Variants in HEXA observed in about 807,000 individuals in gnomAD.
The protein encoded by HEXA is hexosaminidase subunit alpha, also known as beta-hexosaminidase subunit alpha.
Under a neutral mutation model 73.3 loss-of-function variants are expected in HEXA, and 54 were observed. The ratio of observed to expected loss-of-function variants is 0.74; its 90% CI spans 0.59 to 0.92. The LOEUF (loss-of-function observed/expected upper bound fraction) is 0.92, where lower values mean the gene tolerates loss of function less well. Ranked by LOEUF, HEXA falls within the 40% of genes least tolerant of loss-of-function variation. The probability of loss-of-function intolerance (pLI) is 0.00; values close to 1 mark genes in which losing one functional copy is unlikely to be tolerated. For synonymous variants in HEXA, 230 were observed against 246.9 expected, an observed-to-expected ratio of 0.93 and a Z score of 0.64; for missense variants, 649 against 653.0, an observed-to-expected ratio of 0.99 and a Z score of 0.07.
At chr15:72,361,039 A>G (rs1459525837) in intron 1 of HEXA, among the ~76,000 whole-genome samples, 1 of 152,220 alleles carries the variant, frequency 6.6e-6, no homozygotes, top group East Asian at 1.9e-4. Context: ...TGGCTTCACC[A>G]AAGTCCTGTG....
intron 1 of HEXA, among the ~76,000 whole-genome samples, chr15:72,374,098 T>A (rs2089027134): frequency 2.2e-5 from 1 of 46,288 alleles, no homozygotes; most frequent in Non-Finnish European, 1.6e-4. Context: ...TATAATTCAC[T>A]GTGTACCTCC....
At chr15:72,348,947 T>C in intron 8 of HEXA, 132 bp downstream of exon 8, 3 of 787,744 alleles carry the variant, frequency 3.8e-6, no homozygotes, top group Admixed American at 3.7e-5. Flanking sequence ...GAGGAAGGCC[T>C]AAGACCTGAG....
chr15:72,357,257 T>C (rs1030612225), intron 1 of HEXA: 4 of 165,192 alleles, frequency 2.4e-5, no homozygotes, highest in Admixed American at 1.7e-4. Flanking sequence ...ATGGAGCAGA[T>C]GACAGAAGGA....
At chr15:72,373,085 T>A (rs1478275656) in intron 1 of HEXA, among the ~76,000 whole-genome samples, 2 of 152,136 alleles carry the variant, frequency 1.3e-5, no homozygotes, top group Non-Finnish European at 2.9e-5. Context: ...GAGCCAAGAT[T>A]GTGCCACTGA....
At chr15:72,357,783 T>C (rs528926247) in intron 1 of HEXA, 22 of 152,270 alleles carry the variant, frequency 1.4e-4, no homozygotes, top group African/African-American at 5.3e-4. Context: ...CTCAGACCTC[T>C]TGAGCACTAC....
At chr15:72,344,377 A>G (rs1239807312) in intron 13 of HEXA, among the ~76,000 whole-genome samples, 1 of 152,162 alleles carries the variant, frequency 6.6e-6, no homozygotes, top group African/African-American at 2.4e-5. Context: ...CAGGTCTTGG[A>G]GATCCAGAAA....
chr15:72,354,424 G>A (rs530969277), intron 3 of HEXA: 1 of 152,214 alleles, frequency 6.6e-6, no homozygotes, highest in Admixed American at 6.6e-5. Flanking sequence ...CAACAGCTGG[G>A]GCCCCTCTTC....
chr15:72,355,798 T>C, intron 2 of HEXA, 174 bp from the exon 3 acceptor site: 1 of 635,926 alleles, frequency 1.6e-6, no homozygotes, highest in South Asian at 1.6e-5. Flanking sequence ...TAGGATGGCC[T>C]GGTCTGGGGC....
chr15:72,375,571 A>C lies in HEXA; in HGVS notation c.253+149T>G, dbSNP rs1406278750. ...GTCCTATAGTAGTTATCTTTGGATGAAAACCTAATGCAGCTCGAGGAGGAA... is the reference window on the plus strand; with the variant it reads ...GTCCTATAGTAGTTATCTTTGGATGCAAACCTAATGCAGCTCGAGGAGGAA... On this transcript the variant is annotated intron_variant, in intron 1 of 13. Transcript: ENST00000268097. The C allele has an allele frequency of 4.9e-6, 4 of 818,510 alleles. No homozygotes were observed. The East Asian group carries it at 9.9e-5, about 20-fold the overall frequency. The allele number at this position is 818,510 out of a possible 1,614,324, so 50.7% of individuals were successfully genotyped here. A position where few individuals can be genotyped will look rare whatever the true frequency, so the allele number is the denominator to read the frequency against.
At chr15:72,373,707 A>G (rs1595814743) in intron 1 of HEXA, among the ~76,000 whole-genome samples, 1 of 152,168 alleles carries the variant, frequency 6.6e-6, no homozygotes, top group Admixed American at 6.6e-5. Flanking sequence ...ATTTAGAAGT[A>G]TAGGAATTAG....
chr15:72,347,781 G>A (rs759187212), intron 9 of HEXA, 23 bp from the exon 10 acceptor site: 1 of 1,608,434 alleles, frequency 6.2e-7, no homozygotes, highest in South Asian at 1.1e-5. Context: ...GGAGTGTCTA[G>A]TAAGTGTCTG....
chr15:72,356,778 G>T, intron 1 of HEXA, 161 bp from the exon 2 acceptor site: 1 of 1,051,010 alleles, frequency 9.5e-7, no homozygotes, highest in Non-Finnish European at 1.4e-6. Context: ...CATCTGTTCA[G>T]CTGTCTCACT....
In HEXA at chr15:72,349,310, C is replaced by T. The variant is rs1051875886; in HGVS notation, c.806-51G>A. ...AGTGTCACAAATACATAAACCCCCA[C>T]GCACAGTCCTACACGTAAGGACACG... On this transcript the variant is annotated intron_variant, in intron 7 of 13. Transcript: ENST00000268097. 1.4e-5 allele frequency: 20 copies of T among 1,394,566 alleles called. No individual in the cohort carries two copies. The East Asian group carries it at 1.6e-4, about 11-fold the overall frequency. The allele number at this position is 1,394,566 out of a possible 1,614,324, so 86.4% of individuals were successfully genotyped here. A position where few individuals can be genotyped will look rare whatever the true frequency, so the allele number is the denominator to read the frequency against.
chr15:72,349,876 G>A (rs1393609646), intron 7 of HEXA, among the ~76,000 whole-genome samples: 3 of 152,256 alleles, frequency 2.0e-5, no homozygotes, highest in Admixed American at 6.5e-5. Context: ...CGATTCTCCT[G>A]CCTCAGCCTC....
chr15:72,365,689 G>A (rs2088907450), intron 1 of HEXA, among the ~76,000 whole-genome samples: 1 of 152,072 alleles, frequency 6.6e-6, no homozygotes, highest in Non-Finnish European at 1.5e-5. Flanking sequence ...ATGAGGTAAG[G>A]ATTTATTTTT....
At chr15:72,352,149 G>C (rs2088706926) in intron 5 of HEXA, among the ~76,000 whole-genome samples, 2 of 152,020 alleles carry the variant, frequency 1.3e-5, no homozygotes, top group Admixed American at 6.6e-5. Context: ...GTAGAGATGG[G>C]GTTTCACCGT....
chr15:72,347,810 T>C, intron 9 of HEXA, 52 bp from the exon 10 acceptor site: 1 of 1,546,620 alleles, frequency 6.5e-7, no homozygotes, highest in Non-Finnish European at 8.9e-7. Flanking sequence ...AGATGGGTTC[T>C]AGACTGTTTG....
intron 1 of HEXA, among the ~76,000 whole-genome samples, chr15:72,371,395 C>T (rs2088989610): frequency 6.6e-6 from 1 of 151,796 alleles, no homozygotes; most frequent in Non-Finnish European, 1.5e-5. Context: ...GTGGTTGAGC[C>T]CAGGGGTTCG....
At chr15:72,375,086 G>GTTT (rs1491545515) in intron 1 of HEXA, among the ~76,000 whole-genome samples, 19 of 96,074 alleles carry the variant, frequency 2.0e-4, no homozygotes, top group South Asian at 3.3e-4. Context: ...TGTTTTGTTT[G>GTTT]GGGGGGGGGG....
Sources: gnomAD v4.1 joint callset for allele counts (sites outside exome capture counted in the v4.1 genomes callset) on GRCh38, gnomAD v4.1.1 for gene constraint, MANE v1.5 for transcripts, NCBI Gene and HGNC (gene_info 2026-07-23, HGNC 2026-07-21) for gene names.